The following ASCC3 variants were observed in gnomAD, a reference collection of about 807,000 sequenced individuals.
The protein encoded by ASCC3 is ASC-1 complex subunit P200.
Under a neutral mutation model 256.3 loss-of-function variants are expected in ASCC3, and 158 were observed. That is an observed-to-expected ratio of 0.62 (90% confidence interval 0.54 to 0.70). ASCC3 has a LOEUF of 0.70. Among genes scored for constraint, ASCC3 ranks in the 30% least tolerant of loss-of-function variants. ASCC3 has a pLI of 0.00. For synonymous variants in ASCC3, 948 were observed against 883.4 expected (o/e 1.07, Z -1.30); for missense variants, 2,259 against 2,626.0 (o/e 0.86, Z 3.05).
At chr6:100,732,104 T>A (rs1779928889) in intron 10 of ASCC3, among the ~76,000 whole-genome samples, 1 of 145,800 alleles carries the variant, frequency 6.9e-6, no homozygotes, top group African/African-American at 2.6e-5. Flanking sequence ...GGGGTTGCAG[T>A]GAGTGGAGAT....
Position 100,848,518 on chromosome 6 carries a change from T to A in ASCC3, c.431A>T (p.Asp144Val). ...TNRIISHFSQ[D>V]DLTALVQMTE... Reference sequence around the variant, plus strand: ...CATCTGCACAAGAGCAGTAAGATCATCTTGACTAAAATGAGAAATAATTCG... The same window carrying A: ...CATCTGCACAAGAGCAGTAAGATCAACTTGACTAAAATGAGAAATAATTCG... The change falls in exon 4 of 42, where the codon GAT becomes GTT. Residue 144 changes from aspartate (D) to valine (V), a missense_variant. Coordinates refer to ENST00000369162, the MANE Select transcript of ASCC3 (RefSeq NM_006828.4). 6.2e-7 allele frequency: 1 copy of A among 1,614,108 alleles called. No individual in the cohort carries two copies. Among genetic ancestry groups the A allele is most frequent in the Non-Finnish European group, 8.5e-7 (1 of 1,180,018 alleles).
At chr6:100,798,662 T>C in intron 8 of ASCC3, 51 bp downstream of exon 8, 5 of 1,607,472 alleles carry the variant, frequency 3.1e-6, no homozygotes, top group Non-Finnish European at 4.2e-6. Context: ...AATTCATTCA[T>C]ACCGCATACC....
At chr6:100,583,753 C>T (rs1035588738) in intron 36 of ASCC3, among the ~76,000 whole-genome samples, 5 of 152,002 alleles carry the variant, frequency 3.3e-5, no homozygotes, top group Admixed American at 1.3e-4. Flanking sequence ...CTACACACTG[C>T]TTTGAATGTG....
At chr6:100,741,941 G>A (rs1321095695) in intron 10 of ASCC3, among the ~76,000 whole-genome samples, 5 of 152,138 alleles carry the variant, frequency 3.3e-5, no homozygotes, top group Admixed American at 3.3e-4. Flanking sequence ...TGGAGAAGAG[G>A]CATTGGATTT....
At chr6:100,652,334 T>C (rs1296764867) in intron 18 of ASCC3, among the ~76,000 whole-genome samples, 1 of 152,144 alleles carries the variant, frequency 6.6e-6, no homozygotes, top group African/African-American at 2.4e-5. Flanking sequence ...AACCGGATCA[T>C]AGTTCTGAGA....
At chr6:100,610,780 A>G (rs1464861508) in intron 30 of ASCC3, among the ~76,000 whole-genome samples, 1 of 152,176 alleles carries the variant, frequency 6.6e-6, no homozygotes, top group East Asian at 1.9e-4. Flanking sequence ...CTATAAATGC[A>G]TGATATAAGG....
rs960713615 is a variant in ASCC3, at chr6:100,643,476, A to C, written c.3732+555T>G. Among the ~76,000 whole-genome samples, 3 of 152,156 alleles carry C rather than the reference A, an allele frequency of 2.0e-5. No individual in the cohort carries two copies. In the South Asian group the frequency reaches 6.2e-4, roughly 32 times the overall value. ...TCTTAAACCATGGTAAAGATTATCC[A>C]GTCATGCATTGCTTAATGACAGGAA... On this transcript the variant is annotated intron_variant, in intron 23 of 41. Transcript: ENST00000369162.
chr6:100,590,512 C>T (rs1396199633), intron 34 of ASCC3, among the ~76,000 whole-genome samples: 1 of 152,070 alleles, frequency 6.6e-6, no homozygotes, highest in Non-Finnish European at 1.5e-5. Flanking sequence ...GGGACTACAC[C>T]CATAATCTTG....
intron 13 of ASCC3, among the ~76,000 whole-genome samples, chr6:100,705,397 C>A (rs1043620736): frequency 6.6e-6 from 1 of 151,972 alleles, no homozygotes; most frequent in Non-Finnish European, 1.5e-5. Context: ...TAAGGAGAAA[C>A]AAATTGAATT....
At chr6:100,569,575 G>A (rs1364902428) in intron 36 of ASCC3, among the ~76,000 whole-genome samples, 2 of 151,648 alleles carry the variant, frequency 1.3e-5, no homozygotes, top group Non-Finnish European at 2.9e-5. Context: ...TAGTAGAGAC[G>A]GGGTTTCACC....
chr6:100,547,237 T>C lies in ASCC3; in HGVS notation c.5551-6850A>G, dbSNP rs1199029096. ...AAGAAAATTCACTCAAAATGTATCA[T>C]AGACCTAAATATAAAATCTAAAACT... On this transcript the variant is annotated intron_variant, in intron 36 of 41. Coordinates refer to ENST00000369162, the MANE Select transcript of ASCC3 (RefSeq NM_006828.4). 2.6e-5 allele frequency among the ~76,000 whole-genome samples: 4 copies of C among 152,108 alleles called. No individual in the cohort carries two copies. In the East Asian group the frequency reaches 7.7e-4, roughly 29 times the overall value.
chr6:100,692,840 T>C (rs1447075879), intron 13 of ASCC3, among the ~76,000 whole-genome samples: 1 of 152,080 alleles, frequency 6.6e-6, no homozygotes, highest in Non-Finnish European at 1.5e-5. Flanking sequence ...AACTTGATGA[T>C]GCTTTAGAAG....
At chr6:100,809,086 T>G (rs1057268374) in intron 4 of ASCC3, among the ~76,000 whole-genome samples, 3 of 151,970 alleles carry the variant, frequency 2.0e-5, no homozygotes, top group Non-Finnish European at 4.4e-5. Context: ...GAGTGAGTAA[T>G]GAGTGAATGT....
At chr6:100,810,603 C>T (rs1391919594) in intron 4 of ASCC3, among the ~76,000 whole-genome samples, 1 of 152,038 alleles carries the variant, frequency 6.6e-6, no homozygotes, top group Non-Finnish European at 1.5e-5. Flanking sequence ...TAAACTCTTT[C>T]TAAATAAAAG....
chr6:100,688,447 A>G (rs1163093542), intron 13 of ASCC3, among the ~76,000 whole-genome samples: 2 of 152,214 alleles, frequency 1.3e-5, no homozygotes, highest in South Asian at 2.1e-4. Context: ...AATTACTTGA[A>G]AAGTTTATAC....
chr6:100,592,395 A>C (rs1275177089), intron 34 of ASCC3, among the ~76,000 whole-genome samples: 3 of 151,982 alleles, frequency 2.0e-5, no homozygotes, highest in Admixed American at 2.0e-4. Flanking sequence ...ACTGATCTTT[A>C]CCAAATACTA....
chr6:100,555,818 G>C (rs1769543102), intron 36 of ASCC3, among the ~76,000 whole-genome samples: 1 of 152,162 alleles, frequency 6.6e-6, no homozygotes, highest in Non-Finnish European at 1.5e-5. Context: ...GTCACACTCT[G>C]TAATCTATCT....
intron 4 of ASCC3, among the ~76,000 whole-genome samples, chr6:100,840,488 C>CT (rs67554743): frequency 0.086 from 9,342 of 108,412 alleles, 1,140 homozygotes; most frequent in African/African-American, 0.14. Context: ...CCACGCCAGG[C>CT]TTTTTTTTTT....
chr6:100,647,100 G>T, intron 21 of ASCC3, 126 bp downstream of exon 21: 2 of 964,832 alleles, frequency 2.1e-6, no homozygotes, highest in South Asian at 3.0e-5. Context: ...AAATGAAAAA[G>T]ATTTATAAAT....
Sources: allele counts gnomAD v4.1 joint callset (sites outside exome capture counted in the v4.1 genomes callset), GRCh38; gene constraint gnomAD v4.1.1; transcripts MANE v1.5; gene names NCBI Gene and HGNC (gene_info 2026-07-23, HGNC 2026-07-21).